The following PLD5 variants were observed in gnomAD, a reference collection of about 807,000 sequenced individuals.
PLD5 encodes the protein phospholipase D family member 5.
A neutral mutation model predicts 61.1 loss-of-function variants in PLD5; 36 were observed. That is an observed-to-expected ratio of 0.59 (90% CI 0.45 to 0.78). The LOEUF is 0.78. PLD5 is among the 30% of genes least tolerant of loss of function. The pLI, the probability that PLD5 is intolerant of heterozygous loss-of-function variation, is 0.00. For synonymous variants in PLD5, 243 were observed against 242.8 expected, an observed-to-expected ratio of 1.00 and a Z score of -0.01; for missense variants, 515 against 644.4, an observed-to-expected ratio of 0.80 and a Z score of 2.17.
At chr1:242,321,251 G>A (rs1658384784) in intron 2 of PLD5, among the ~76,000 whole-genome samples, 2 of 150,720 alleles carry the variant, frequency 1.3e-5, no homozygotes, top group Admixed American at 6.6e-5. Context: ...CACCTTTAAA[G>A]GTTTAAGAAG....
At chr1:242,397,153 A>T (rs1327211829) in intron 1 of PLD5, among the ~76,000 whole-genome samples, 1 of 151,962 alleles carries the variant, frequency 6.6e-6, no homozygotes, top group African/African-American at 2.4e-5. Context: ...CTAAACCCTG[A>T]CAATTTTGAC....
intron 1 of PLD5, among the ~76,000 whole-genome samples, chr1:242,500,663 G>A (rs1235348261): frequency 3.3e-5 from 5 of 152,158 alleles, no homozygotes; most frequent in African/African-American, 4.8e-5. Flanking sequence ...AACTCCTGCC[G>A]TGAGCAGGTT....
chr1:242,175,983 T>C (rs952950349), intron 5 of PLD5, among the ~76,000 whole-genome samples: 1 of 152,120 alleles, frequency 6.6e-6, no homozygotes, highest in Non-Finnish European at 1.5e-5. Context: ...ATGGGAAGAA[T>C]CAATATCATG....
intron 5 of PLD5, among the ~76,000 whole-genome samples, chr1:242,181,324 A>G (rs12136842): frequency 0.28 from 42,758 of 152,096 alleles, 6,282 homozygotes; most frequent in South Asian, 0.39. Flanking sequence ...ACATGTAGCT[A>G]TTGAACACTT....
At chr1:242,134,398 T>G (rs1035592242) in intron 5 of PLD5, among the ~76,000 whole-genome samples, 2 of 93,008 alleles carry the variant, frequency 2.2e-5, no homozygotes, top group African/African-American at 9.5e-5. Context: ...TTTTTTTTTT[T>G]TTAATAAATA....
rs1659625895 is a variant in PLD5 at position 242,089,197 on chromosome 1, T to C, written c.*657A>G. On this transcript the variant is annotated 3_prime_UTR_variant, in exon 10 of 10. Coordinates refer to ENST00000536534, the MANE Select transcript of PLD5 (RefSeq NM_001372062.1). ...GAAAAATTTGTATGTTTTCAAAAGATGTTATCATAGTTAGAAGTAATGTTG... is the reference window on the plus strand; with the variant it reads ...GAAAAATTTGTATGTTTTCAAAAGACGTTATCATAGTTAGAAGTAATGTTG... 2.5e-6 allele frequency: 1 copy of C among 397,324 alleles called. No homozygotes were observed. Among genetic ancestry groups the C allele is most frequent in the Non-Finnish European group, 4.4e-6 (1 of 225,472 alleles). The allele number at this position is 397,324 out of a possible 1,614,324, so 24.6% of individuals were successfully genotyped here.
At chr1:242,391,094 C>A (rs1057031307) in intron 1 of PLD5, among the ~76,000 whole-genome samples, 2 of 152,124 alleles carry the variant, frequency 1.3e-5, no homozygotes, top group Admixed American at 1.3e-4. Context: ...ACTCGGGAGG[C>A]TGAGGCAGGA....
chr1:242,090,254 G>T, intron 9 of PLD5, 144 bp from the exon 10 acceptor site: 2 of 1,065,084 alleles, frequency 1.9e-6, no homozygotes, highest in Non-Finnish European at 2.6e-6. Flanking sequence ...TGACAGCTCC[G>T]AAAAAAAAAT....
intron 5 of PLD5, among the ~76,000 whole-genome samples, chr1:242,188,127 G>A (rs562544223): frequency 5.6e-4 from 85 of 152,278 alleles, no homozygotes; most frequent in South Asian, 1.0e-3. Flanking sequence ...GTGGAAAGAG[G>A]ACTAGAATTA....
At position 242,084,617 on chromosome 1, in the gene PLD5, T is replaced by C. The variant is rs1486457461; in HGVS notation, c.*5237A>G. 2.0e-5 allele frequency: 3 copies of C among 152,300 alleles called. No homozygotes were observed. Among genetic ancestry groups the C allele is most frequent in the African/African-American group, 4.8e-5 (2 of 41,554 alleles). 9.4% of individuals were successfully genotyped at this position (152,300 alleles called of 1,614,324 possible). ...TACACGTTGGGTGAGCTGGTTGAGA[T>C]GGCTGTTAAAGTATGCTCTACAGCT... On this transcript the variant is annotated 3_prime_UTR_variant, in exon 10 of 10. Transcript: ENST00000536534.
At chr1:242,492,132 A>G (rs139779683) in intron 1 of PLD5, among the ~76,000 whole-genome samples, 1 of 152,298 alleles carries the variant, frequency 6.6e-6, no homozygotes, top group African/African-American at 2.4e-5. Context: ...GTCAATGAAC[A>G]CAGCCAAGAG....
chr1:242,178,396 T>C (rs1667305545), intron 5 of PLD5: 1 of 152,192 alleles, frequency 6.6e-6, no homozygotes, highest in South Asian at 2.1e-4. Context: ...CTTGCATTGC[T>C]CTCATCTATG....
At chr1:242,403,380 G>A (rs1051314904) in intron 1 of PLD5, among the ~76,000 whole-genome samples, 4 of 152,148 alleles carry the variant, frequency 2.6e-5, no homozygotes, top group Non-Finnish European at 4.4e-5. Context: ...CAGAATTGGG[G>A]GGTCATCAAT....
chr1:242,453,726 A>G (rs1221502723), intron 1 of PLD5, among the ~76,000 whole-genome samples: 1 of 152,202 alleles, frequency 6.6e-6, no homozygotes, highest in African/African-American at 2.4e-5. Context: ...GAAAATGCAG[A>G]GACATAGGCT....
intron 5 of PLD5, among the ~76,000 whole-genome samples, chr1:242,212,774 A>C (rs1200914726): frequency 1.3e-5 from 2 of 152,224 alleles, no homozygotes; most frequent in African/African-American, 4.8e-5. Flanking sequence ...GCGACATCCC[A>C]GATTGTAATT....
chr1:242,202,015 G>T (rs1310212708), intron 5 of PLD5, among the ~76,000 whole-genome samples: 2 of 152,014 alleles, frequency 1.3e-5, no homozygotes, highest in Non-Finnish European at 2.9e-5. Context: ...AGGAGTTCAA[G>T]ACCAGCCTGG....
chr1:242,479,088 T>A (rs1016651259), intron 1 of PLD5, among the ~76,000 whole-genome samples: 4 of 152,236 alleles, frequency 2.6e-5, no homozygotes, highest in East Asian at 1.9e-4. Context: ...CTGGCTCTGA[T>A]GAATTACTGT....
At chr1:242,455,655 A>G (rs1419805100) in intron 1 of PLD5, among the ~76,000 whole-genome samples, 6 of 152,158 alleles carry the variant, frequency 3.9e-5, no homozygotes, top group African/African-American at 1.4e-4. Flanking sequence ...GCTTATATGG[A>G]CTCCCAGAAG....
intron 5 of PLD5, among the ~76,000 whole-genome samples, chr1:242,191,126 GT>G (rs34902467): frequency 4.9e-3 from 654 of 133,016 alleles, no homozygotes; most frequent in Middle Eastern, 0.024. Context: ...AAACTATGGA[GT>G]TTTTTTTTTT....
Sources: allele counts gnomAD v4.1 joint callset (sites outside exome capture counted in the v4.1 genomes callset), GRCh38; gene constraint gnomAD v4.1.1; transcripts MANE v1.5; gene names NCBI Gene and HGNC (gene_info 2026-07-23, HGNC 2026-07-21).